RTN1: variants seen among roughly 807,000 people sequenced by gnomAD.
RTN1 encodes reticulon 1.
RTN1 carries 25 observed loss-of-function variants against 65.5 expected under a neutral mutation model. The observed-to-expected ratio is 0.38, with a 90% CI of 0.28 to 0.53. RTN1 has a LOEUF of 0.53. RTN1 is among the 20% of genes least tolerant of loss of function. The pLI, the probability that RTN1 is intolerant of heterozygous loss-of-function variation, is 0.79. For missense variants in RTN1, 983 were observed against 1,025.4 expected (o/e 0.96, Z 0.57); for synonymous variants, 471 against 447.6 (o/e 1.05, Z -0.66).
chr14:59,698,070 C>T (rs1029267870), intron 3 of RTN1, among the ~76,000 whole-genome samples: 9 of 151,998 alleles, frequency 5.9e-5, no homozygotes, highest in African/African-American at 1.9e-4. Context: ...TATTTTATGG[C>T]CCTGCATGAT....
chr14:59,744,331 C>T (rs1885173099), intron 2 of RTN1, among the ~76,000 whole-genome samples: 1 of 152,160 alleles, frequency 6.6e-6, no homozygotes, highest in Non-Finnish European at 1.5e-5. Context: ...TCTCACTGTC[C>T]TCTTCATCTC....
At chr14:59,609,741 G>A (rs144025542) in intron 3 of RTN1, among the ~76,000 whole-genome samples, 23 of 152,306 alleles carry the variant, frequency 1.5e-4, no homozygotes, top group African/African-American at 5.5e-4. Flanking sequence ...GAATTAAAAG[G>A]AAACTAAAGC....
intron 3 of RTN1, among the ~76,000 whole-genome samples, chr14:59,634,360 T>C (rs1306631914): frequency 2.6e-5 from 4 of 152,228 alleles, no homozygotes; most frequent in Non-Finnish European, 4.4e-5. Context: ...TACTTCATTA[T>C]GATCAAAGAA....
intron 1 of RTN1, among the ~76,000 whole-genome samples, chr14:59,850,282 T>C (rs922667882): frequency 4.6e-5 from 7 of 152,238 alleles, no homozygotes; most frequent in Non-Finnish European, 8.8e-5. Context: ...TCAAACATTA[T>C]AGCTTAGCCT....
chr14:59,825,606 G>C lies in RTN1; in HGVS notation c.241+44784C>G, dbSNP rs1887017127. Among the ~76,000 whole-genome samples the C allele has an allele frequency of 2.0e-5, 3 of 152,316 alleles. No individual in the cohort carries two copies. The South Asian group carries it at 6.2e-4, about 32-fold the overall frequency. ...GCCACAGCAGGGCCTTCTCCCAGAA[G>C]CACCCCTGCTGGAAGGCCAGCCTAG... On this transcript the variant is annotated intron_variant, in intron 1 of 8. Coordinates refer to ENST00000267484, the MANE Select transcript of RTN1 (RefSeq NM_021136.3). This position sits in a 1 kb window ranked among gnomAD's most constrained non-coding sequence, Gnocchi z 4.2.
At chr14:59,724,306 G>A (rs561059245) in intron 3 of RTN1, among the ~76,000 whole-genome samples, 44 of 152,280 alleles carry the variant, frequency 2.9e-4, no homozygotes, top group African/African-American at 9.6e-4. Context: ...GCTCCTCCAT[G>A]GTACATGCAA....
intron 1 of RTN1, among the ~76,000 whole-genome samples, chr14:59,773,006 T>C (rs1210773100): frequency 6.6e-6 from 1 of 152,148 alleles, no homozygotes; most frequent in African/African-American, 2.4e-5. Context: ...TATGCCTGGC[T>C]TATGCTGCAT....
Position 59,870,385 on chromosome 14 carries a change from C to A in RTN1, c.241+5G>T. ...CCATTTGAGGGGCAGCGGCGCCCGC[C>A]TTACCTGTGGATGCAGTTTCCATGG... On this transcript the variant is annotated splice_donor_5th_base_variant and intron_variant, in intron 1 of 8. Coordinates refer to ENST00000267484, the MANE Select transcript of RTN1 (RefSeq NM_021136.3). This position sits in a 1 kb window ranked among gnomAD's most constrained non-coding sequence, Gnocchi z 5.1. The A allele has an allele frequency of 6.6e-7, 1 of 1,516,774 alleles. No individual in the cohort carries two copies. The highest frequency in any genetic ancestry group is 1.2e-5 in the South Asian group (1 of 80,750). The allele number at this position is 1,516,774 out of a possible 1,614,324, so 94.0% of individuals were successfully genotyped here.
At chr14:59,624,088 A>T (rs921837562) in intron 3 of RTN1, among the ~76,000 whole-genome samples, 5 of 152,224 alleles carry the variant, frequency 3.3e-5, no homozygotes, top group Non-Finnish European at 5.9e-5. Context: ...TTTGTCAAAG[A>T]GCTCAAGAGT....
At chr14:59,628,595 A>G (rs1206552482) in intron 3 of RTN1, among the ~76,000 whole-genome samples, 1 of 152,226 alleles carries the variant, frequency 6.6e-6, no homozygotes, top group Non-Finnish European at 1.5e-5. Context: ...AAGGAAATCA[A>G]TGGTACTAAA....
intron 3 of RTN1, among the ~76,000 whole-genome samples, chr14:59,624,933 CT>C (rs1187615560): frequency 6.6e-6 from 1 of 152,146 alleles, no homozygotes; most frequent in African/African-American, 2.4e-5. Context: ...CATAATAGAT[CT>C]GGTTTTCTTG....
chr14:59,647,555 A>C (rs1882926737), intron 3 of RTN1, among the ~76,000 whole-genome samples: 1 of 152,224 alleles, frequency 6.6e-6, no homozygotes, highest in Admixed American at 6.5e-5. Context: ...TGGTTATATA[A>C]CAATTTTCAG....
rs868647937 is a variant in RTN1 at position 59,819,439 on chromosome 14, C to G, written c.241+50951G>C. Among the ~76,000 whole-genome samples, 19 of 55,086 alleles carry G rather than the reference C, an allele frequency of 3.4e-4. 3 individuals are homozygous for G. Among genetic ancestry groups the G allele is most frequent in the South Asian group, 2.4e-3 (3 of 1,240 alleles). 36.1% of individuals were successfully genotyped at this position (55,086 alleles called of 152,430 possible). A position where few individuals can be genotyped will look rare whatever the true frequency, so the allele number is the denominator to read the frequency against. Reference sequence around the variant, plus strand: ...ACCCCCCCCCCACCCCCCACCCCCCCCCCCCGGCCACAGCTAGACACAGAG... The same window carrying G: ...ACCCCCCCCCCACCCCCCACCCCCCGCCCCCGGCCACAGCTAGACACAGAG... On this transcript the variant is annotated intron_variant, in intron 1 of 8. Transcript: ENST00000267484.
At chr14:59,630,907 C>G (rs948283860) in intron 3 of RTN1, 92 of 944,280 alleles carry the variant, frequency 9.7e-5, no homozygotes, top group Non-Finnish European at 1.1e-4. Flanking sequence ...AGGACTTGGG[C>G]TGTTCCTGGG....
chr14:59,845,090 A>G (rs1250250841), intron 1 of RTN1, among the ~76,000 whole-genome samples: 1 of 152,228 alleles, frequency 6.6e-6, no homozygotes, highest in Non-Finnish European at 1.5e-5. Context: ...TGAACTTCAC[A>G]TTGTAGATTT....
intron 1 of RTN1, among the ~76,000 whole-genome samples, chr14:59,789,187 A>C (rs943245002): frequency 6.6e-6 from 1 of 151,730 alleles, no homozygotes; most frequent in Non-Finnish European, 1.5e-5. Context: ...GATTCTCTCA[A>C]GTTTTCTTGA....
intron 8 of RTN1, among the ~76,000 whole-genome samples, chr14:59,598,701 T>C (rs1394566171): frequency 3.3e-5 from 5 of 152,232 alleles, no homozygotes; most frequent in Non-Finnish European, 7.3e-5. Context: ...TCATTACTCT[T>C]TTCCCTCATA....
intron 2 of RTN1, among the ~76,000 whole-genome samples, chr14:59,732,638 A>T (rs1884923329): frequency 6.6e-6 from 1 of 152,164 alleles, no homozygotes; most frequent in African/African-American, 2.4e-5. Flanking sequence ...AGGGCCTTGG[A>T]TCTGACACAC....
rs147142943 is a variant in RTN1 at position 59,794,747 on chromosome 14, T to C, written c.242-48266A>G. ...AAAAGAAAGGAAAGAACATACCCTT[T>C]TCTTTTCAGGGAACAATTCAGAAGT... is the stretch of plus-strand genomic sequence containing the variant. On this transcript the variant is annotated intron_variant, in intron 1 of 8. Transcript: ENST00000267484. The surrounding 1 kb of genome is among the most constrained non-coding windows in gnomAD (Gnocchi z 5.1). Among the ~76,000 whole-genome samples, 55 of 151,836 alleles carry C rather than the reference T, an allele frequency of 3.6e-4. No homozygotes were observed. The East Asian group carries it at 0.01, about 29-fold the overall frequency.
Sources: gnomAD v4.1 joint callset for allele counts (sites outside exome capture counted in the v4.1 genomes callset) on GRCh38, gnomAD v4.1.1 for gene constraint, Gnocchi (gnomAD v3.1) non-coding constraint, MANE v1.5 for transcripts, NCBI Gene and HGNC (gene_info 2026-07-23, HGNC 2026-07-21) for gene names.